The following NEBL variants were observed in gnomAD, a reference collection of about 807,000 sequenced individuals.
NEBL encodes nebulette.
Under a neutral mutation model 140.2 loss-of-function variants are expected in NEBL, and 122 were observed. The observed-to-expected ratio is 0.87, with a 90% CI of 0.75 to 1.01. NEBL has a LOEUF of 1.01. NEBL is among the 50% of genes least tolerant of loss of function. The probability of loss-of-function intolerance (pLI) is 0.00; values close to 1 mark genes in which losing one functional copy is unlikely to be tolerated. For missense variants in NEBL, 1,365 were observed against 1,231.3 expected (o/e 1.11, Z -1.62); for synonymous variants, 436 against 398.9 (o/e 1.09, Z -1.11).
Position 20,783,809 on chromosome 10 carries a change from C to T in NEBL, c.*1938G>A, listed in dbSNP as rs1835182842. Reference sequence around the variant, plus strand: ...TTTTGTAGGTTTGTGTACAATATACCAAAACAGATATGGGGTTTTATCACT... The same window carrying T: ...TTTTGTAGGTTTGTGTACAATATACTAAAACAGATATGGGGTTTTATCACT... On this transcript the variant is annotated 3_prime_UTR_variant, in exon 28 of 28. Coordinates refer to ENST00000377122, the MANE Select transcript of NEBL (RefSeq NM_006393.3). The T allele has an allele frequency of 6.6e-6, 1 of 152,358 alleles. No homozygotes were observed. Among genetic ancestry groups the T allele is most frequent in the Non-Finnish European group, 1.5e-5 (1 of 67,996 alleles). The allele number at this position is 152,358 out of a possible 1,614,324, so 9.4% of individuals were successfully genotyped here.
chr10:20,787,384 G>T, intron 26 of NEBL, 76 bp from the exon 27 acceptor site: 1 of 1,120,636 alleles, frequency 8.9e-7, no homozygotes, highest in Non-Finnish European at 1.3e-6. Context: ...CCCTCAGAGT[G>T]ATGTTATGCT....
chr10:20,856,986 G>A (rs895852434), intron 9 of NEBL, among the ~76,000 whole-genome samples: 4 of 151,812 alleles, frequency 2.6e-5, no homozygotes, highest in Non-Finnish European at 5.9e-5. Flanking sequence ...CCACCACCAC[G>A]CCTAGCTAAT....
At chr10:21,186,977 G>T (rs10828203) in intron 3 of NEBL, among the ~76,000 whole-genome samples, 27,763 of 150,068 alleles carry the variant, frequency 0.19, 2,762 homozygotes, top group African/African-American at 0.24. Context: ...GATACAGAGG[G>T]CCAACTCTGT....
At chr10:21,273,718 C>T (rs1842885392) in intron 1 of NEBL, among the ~76,000 whole-genome samples, 1 of 152,222 alleles carries the variant, frequency 6.6e-6, no homozygotes, top group Admixed American at 6.5e-5. Flanking sequence ...GGCTCAGACC[C>T]AGGAACCAGG....
intron 10 of NEBL, among the ~76,000 whole-genome samples, chr10:20,851,498 G>A (rs1040705612): frequency 9.2e-5 from 14 of 151,872 alleles, no homozygotes; most frequent in African/African-American, 1.9e-4. Context: ...TGAAATGGCC[G>A]GGTGCAGTGG....
intron 1 of NEBL, among the ~76,000 whole-genome samples, chr10:21,284,857 T>C (rs1843035980): frequency 6.6e-6 from 1 of 152,180 alleles, no homozygotes. Flanking sequence ...CATTAGATCA[T>C]GATTTTTTAC....
rs189081836 is a variant in NEBL, at chr10:20,997,948, A to C, written c.249+22169T>G. 1.4e-4 allele frequency among the ~76,000 whole-genome samples: 22 copies of C among 152,356 alleles called. No homozygotes were observed. The East Asian group carries it at 3.9e-3, about 27-fold the overall frequency. On this transcript the variant is annotated intron_variant, in intron 3 of 6. Coordinates refer to the NEBL transcript ENST00000417816. ...AAATGAAAAGTTTACTACATAACTT[A>C]ATTAAAAGTATTAAAAACATTCAGG...
intron 25 of NEBL, among the ~76,000 whole-genome samples, chr10:20,808,915 A>G (rs949367799): frequency 6.6e-6 from 1 of 152,222 alleles, no homozygotes; most frequent in African/African-American, 2.4e-5. Flanking sequence ...TGACAAGGAC[A>G]AAGAAAACAT....
chr10:21,081,118 G>T (rs533524115), intron 2 of NEBL, among the ~76,000 whole-genome samples: 159 of 152,298 alleles, frequency 1.0e-3, no homozygotes, highest in African/African-American at 3.5e-3. Flanking sequence ...ACCTCCCAAA[G>T]TGCTGGGAAT....
At chr10:21,068,216 A>C (rs938259255) in intron 2 of NEBL, among the ~76,000 whole-genome samples, 14 of 152,202 alleles carry the variant, frequency 9.2e-5, no homozygotes, top group African/African-American at 3.4e-4. Context: ...TATAAAGTTA[A>C]AAAAGCATTT....
Position 20,856,634 on chromosome 10 carries a change from A to G in NEBL, c.903+1606T>C, listed in dbSNP as rs188501623. Among the ~76,000 whole-genome samples, 551 of 152,238 alleles carry G rather than the reference A, an allele frequency of 3.6e-3. 3 individuals are homozygous for G. Among genetic ancestry groups the G allele is most frequent in the African/African-American group, 0.013 (534 of 41,544 alleles). On this transcript the variant is annotated intron_variant, in intron 9 of 27. Coordinates refer to ENST00000377122, the MANE Select transcript of NEBL (RefSeq NM_006393.3). ...AGACACTCAAGGAATAGAGGAATGT[A>G]AAAAGAGGTGTGGGAATGAAGACTG...
chr10:21,289,293 G>C (rs1424685398), intron 1 of NEBL, among the ~76,000 whole-genome samples: 1 of 152,086 alleles, frequency 6.6e-6, no homozygotes, highest in Non-Finnish European at 1.5e-5. Context: ...GGTATGAGAG[G>C]AGCAACTCAG....
At chr10:20,859,870 G>A in intron 7 of NEBL, 44 bp from the exon 8 acceptor site, 1 of 926,622 alleles carries the variant, frequency 1.1e-6, no homozygotes, top group East Asian at 2.5e-5. Context: ...ACATTTAAAA[G>A]TAACACATAT....
intron 26 of NEBL, among the ~76,000 whole-genome samples, chr10:20,802,802 A>G (rs10828134): frequency 0.086 from 13,056 of 152,252 alleles, 636 homozygotes; most frequent in African/African-American, 0.12. Context: ...TACTTCATTC[A>G]TAAAGTAAAA....
At chr10:21,260,898 A>G (rs1394490426) in intron 1 of NEBL, among the ~76,000 whole-genome samples, 1 of 152,206 alleles carries the variant, frequency 6.6e-6, no homozygotes, top group Non-Finnish European at 1.5e-5. Flanking sequence ...AGTTAAAAAC[A>G]TTAGGGAGTC....
At chr10:20,914,398 G>A (rs1305194489) in intron 4 of NEBL, among the ~76,000 whole-genome samples, 1 of 152,154 alleles carries the variant, frequency 6.6e-6, no homozygotes, top group Non-Finnish European at 1.5e-5. Flanking sequence ...CTTACTTACT[G>A]CAAAGGTTTT....
chr10:21,173,838 G>T lies in NEBL; in HGVS notation c.-5C>A. Reference sequence around the variant, plus strand: ...ACGGGCGCACTGGGGGTTCATGATCGCGGTTCCCGGGGGCGGCGGCGGCGG... The same window carrying T: ...ACGGGCGCACTGGGGGTTCATGATCTCGGTTCCCGGGGGCGGCGGCGGCGG... On this transcript the variant is annotated 5_prime_UTR_variant, in exon 1 of 7. Transcript: ENST00000417816. This position sits in a 1 kb window ranked among gnomAD's most constrained non-coding sequence, Gnocchi z 5.7. 2.5e-6 allele frequency: 4 copies of T among 1,611,280 alleles called. No homozygotes were observed. Among genetic ancestry groups the T allele is most frequent in the Non-Finnish European group, 3.4e-6 (4 of 1,179,540 alleles).
chr10:21,240,107 C>T (rs1842419217), intron 3 of NEBL, among the ~76,000 whole-genome samples: 1 of 152,070 alleles, frequency 6.6e-6, no homozygotes, highest in Non-Finnish European at 1.5e-5. Context: ...GTAAACTAGC[C>T]TAACAACCTG....
chr10:20,901,631 T>C (rs1310980464), upstream of NEBL, among the ~76,000 whole-genome samples: 1 of 152,224 alleles, frequency 6.6e-6, no homozygotes, highest in Admixed American at 6.5e-5. Flanking sequence ...TAAAAATGAA[T>C]TCAACATTTC....
Sources: allele counts gnomAD v4.1 joint callset (sites outside exome capture counted in the v4.1 genomes callset), GRCh38; gene constraint gnomAD v4.1.1; non-coding constraint Gnocchi (gnomAD v3.1); transcripts MANE v1.5; gene names NCBI Gene and HGNC (gene_info 2026-07-23, HGNC 2026-07-21).